IRS1: variants seen among roughly 807,000 people sequenced by gnomAD.
IRS1 encodes insulin receptor substrate 1.
A neutral mutation model predicts 65.6 loss-of-function variants in IRS1; 34 were observed. The observed-to-expected ratio is 0.52, with a 90% confidence interval of 0.39 to 0.69. IRS1 has a LOEUF of 0.69. Ranked by LOEUF, IRS1 falls within the 30% of genes least tolerant of loss-of-function variation. IRS1 has a pLI of 0.00. For synonymous variants in IRS1, 699 were observed against 683.5 expected (o/e 1.02, Z -0.35); for missense variants, 1,641 against 1,720.2 (o/e 0.95, Z 0.81).
chr2:226,796,726 G>A lies in IRS1; in HGVS notation c.2013C>T (p.Cys671=). ...GYMMMSPSGG[C]SPDIGGGPSS... Reference sequence around the variant, plus strand: ...TGGGGCCACCTCCAATGTCAGGAGAGCAGCCACCGCTGGGGGACATCATCA... The same window carrying A: ...TGGGGCCACCTCCAATGTCAGGAGAACAGCCACCGCTGGGGGACATCATCA... Residue 671 remains cysteine (C), a synonymous_variant, in exon 1 of 2, where the codon TGC becomes TGT. Transcript: ENST00000305123. The A allele has an allele frequency of 6.2e-7, 1 of 1,612,918 alleles. No individual in the cohort carries two copies. The highest frequency in any genetic ancestry group is 1.1e-5 in the South Asian group (1 of 90,964).
chr2:226,784,722 C>T (rs542354336), intron 1 of IRS1, among the ~76,000 whole-genome samples: 1 of 152,324 alleles, frequency 6.6e-6, no homozygotes, highest in Admixed American at 6.5e-5. Context: ...CATGCCCAGC[C>T]TCTAATTCAA....
At position 226,795,118 on chromosome 2, in the gene IRS1, AGGGGGT is replaced by A; in HGVS notation, c.3615_3620del (p.Pro1206_Pro1207del). 4 of 185,232 alleles carry A rather than the reference AGGGGGT, an allele frequency of 2.2e-5. No homozygotes were observed. The highest frequency in any genetic ancestry group is 2.7e-5 in the Non-Finnish European group (3 of 112,396). The allele number at this position is 185,232 out of a possible 1,614,324, so 11.5% of individuals were successfully genotyped here. A position where few individuals can be genotyped will look rare whatever the true frequency, so the allele number is the denominator to read the frequency against. The stretch of plus-strand genomic sequence containing the variant: ...TCTCACCGCTGCCCAGGGGTTGATG[AGGGGGT>A]GGGGGTGGGGGAGGCTGCGGTTCAG... On this transcript the variant is annotated inframe_deletion, in exon 1 of 2. Transcript: ENST00000305123.
At chr2:226,737,908 A>T (rs1047912589) in intron 1 of IRS1, among the ~76,000 whole-genome samples, 2 of 152,160 alleles carry the variant, frequency 1.3e-5, no homozygotes, top group African/African-American at 4.8e-5. Context: ...TGAAAAGGAA[A>T]AGGACGCTTC....
intron 1 of IRS1, among the ~76,000 whole-genome samples, chr2:226,758,173 T>C (rs1938843160): frequency 6.6e-6 from 1 of 152,210 alleles, no homozygotes; most frequent in Non-Finnish European, 1.5e-5. Context: ...TCTTCACATT[T>C]CAGGACTCAT....
intron 1 of IRS1, among the ~76,000 whole-genome samples, chr2:226,758,073 A>G (rs1938841458): frequency 6.6e-6 from 1 of 152,210 alleles, no homozygotes; most frequent in Non-Finnish European, 1.5e-5. Flanking sequence ...AGAAAATGAG[A>G]GAGGCAGAGA....
intron 1 of IRS1, among the ~76,000 whole-genome samples, chr2:226,756,496 C>T (rs1938804618): frequency 6.6e-6 from 1 of 152,170 alleles, no homozygotes; most frequent in African/African-American, 2.4e-5. Context: ...AACAAACTAA[C>T]ATATTTTCCC....
intron 1 of IRS1, among the ~76,000 whole-genome samples, chr2:226,749,320 G>A (rs1938625333): frequency 6.6e-6 from 1 of 152,242 alleles, no homozygotes; most frequent in South Asian, 2.1e-4. Context: ...TTTAGAGATA[G>A]TTTTCTTTCT....
rs144337318 is a variant in IRS1, at chr2:226,770,159, C to A, written c.*21+24830G>T. 2.6e-3 allele frequency among the ~76,000 whole-genome samples: 391 copies of A among 152,324 alleles called. 3 individuals carry two copies. The highest frequency in any genetic ancestry group is 0.017 in the Middle Eastern group (5 of 294). ...GCAGGGCTAATAATCAAACACTCCACATATGAAAGAGAAAACTTCATTTAA... is the reference window on the plus strand; with the variant it reads ...GCAGGGCTAATAATCAAACACTCCAAATATGAAAGAGAAAACTTCATTTAA... On this transcript the variant is annotated intron_variant, in intron 1 of 1. Coordinates refer to ENST00000305123, the MANE Select transcript of IRS1 (RefSeq NM_005544.3).
At chr2:226,751,553 C>G (rs531019578) in intron 1 of IRS1, among the ~76,000 whole-genome samples, 67 of 152,046 alleles carry the variant, frequency 4.4e-4, no homozygotes, top group Admixed American at 1.9e-3. Flanking sequence ...AAAGTGCTGG[C>G]ATTACAGGCG....
intron 1 of IRS1, among the ~76,000 whole-genome samples, chr2:226,737,156 T>C (rs929130073): frequency 1.4e-5 from 2 of 142,148 alleles, no homozygotes; most frequent in Admixed American, 7.7e-5. Flanking sequence ...TGTGATCTCA[T>C]TGTTCAATTC....
rs765846492 is a variant in IRS1, at chr2:226,795,402, C to A, written c.3337G>T (p.Val1113Leu). The A allele has an allele frequency of 1.2e-6, 2 of 1,613,462 alleles. No homozygotes were observed. Among genetic ancestry groups the A allele is most frequent in the Non-Finnish European group, 8.5e-7 (1 of 1,180,012 alleles). ...GCTCCAAAGGGCACTGTGTTGCCCACCCGGGTGGCACTGGGTGTTGAGGAG... is the reference window on the plus strand; with the variant it reads ...GCTCCAAAGGGCACTGTGTTGCCCAACCGGGTGGCACTGGGTGTTGAGGAG... ...TFSSTPSATRVGNTVPFGAGA... is the reference protein window; with the variant it reads ...TFSSTPSATRLGNTVPFGAGA... Residue 1113 changes from valine (V) to leucine (L), a missense_variant, in exon 1 of 2, where the codon GTG becomes TTG. By Grantham distance (32) the Val-to-Leu change is conservative (BLOSUM62 1). Transcript: ENST00000305123.
chr2:226,795,151 G>T lies in IRS1; in HGVS notation c.3588C>A (p.Thr1196=). The change falls in exon 1 of 2, where the codon ACC becomes ACA. Residue 1196 remains threonine, a synonymous_variant. Transcript: ENST00000305123. ...KDFKQCPQEC[T]PEPQPPPPPP... The stretch of plus-strand genomic sequence containing the variant: ...GGGGTGGGGGAGGCTGCGGTTCAGG[G>T]GTGCACTCCTGAGGGCACTGTTTGA... The T allele has an allele frequency of 6.2e-7, 1 of 1,613,424 alleles. No individual in the cohort carries two copies. The highest frequency in any genetic ancestry group is 1.1e-5 in the South Asian group (1 of 91,048).
At chr2:226,788,032 G>A (rs747318551) in intron 1 of IRS1, among the ~76,000 whole-genome samples, 21 of 142,814 alleles carry the variant, frequency 1.5e-4, no homozygotes, top group African/African-American at 5.2e-4. Flanking sequence ...AAAAAAAAAC[G>A]TCTCTTTGAT....
chr2:226,758,177 G>T (rs890142105), intron 1 of IRS1, among the ~76,000 whole-genome samples: 1 of 152,150 alleles, frequency 6.6e-6, no homozygotes, highest in African/African-American at 2.4e-5. Context: ...CACATTTCAG[G>T]ACTCATGTAT....
chr2:226,737,737 G>A (rs1938356306), intron 1 of IRS1, among the ~76,000 whole-genome samples: 1 of 152,162 alleles, frequency 6.6e-6, no homozygotes, highest in Admixed American at 6.6e-5. Flanking sequence ...GGGGTGTAAG[G>A]GGAGCATCTC....
At chr2:226,786,030 G>A (rs937970230) in intron 1 of IRS1, among the ~76,000 whole-genome samples, 2 of 150,276 alleles carry the variant, frequency 1.3e-5, no homozygotes, top group South Asian at 4.4e-4. Flanking sequence ...TGCTGAGAAT[G>A]ATGATTTCCA....
chr2:226,750,247 C>G (rs1938648615), intron 1 of IRS1, among the ~76,000 whole-genome samples: 1 of 115,250 alleles, frequency 8.7e-6, no homozygotes, highest in African/African-American at 4.0e-5. Flanking sequence ...GAAACTCTGT[C>G]TCAAAAAAAA....
chr2:226,771,320 C>T (rs760662408), intron 1 of IRS1, among the ~76,000 whole-genome samples: 23 of 152,070 alleles, frequency 1.5e-4, no homozygotes, highest in Non-Finnish European at 2.9e-4. Context: ...AGCCGGCTGT[C>T]CGGTGGCTCA....
Position 226,797,410 on chromosome 2 carries a change from G to T in IRS1, c.1329C>A (p.Arg443=), listed in dbSNP as rs1197922965. Residue 443 remains arginine (R), a synonymous_variant, in exon 1 of 2, where the codon CGC becomes CGA. Transcript: ENST00000305123. This position sits in a 1 kb window ranked among gnomAD's most constrained non-coding sequence, Gnocchi z 8.1. ...SSPCDFRSSF[R]SVTPDSLGHT... ...GGCCCAGGGAATCCGGAGTGACACT[G>T]CGGAAGGAACTCCGGAAATCGCAGG... The T allele has an allele frequency of 1.9e-6, 3 of 1,612,608 alleles. No individual in the cohort carries two copies. The highest frequency in any genetic ancestry group is 1.7e-5 in the Admixed American group (1 of 59,950).
Sources: gnomAD v4.1 joint callset for allele counts (sites outside exome capture counted in the v4.1 genomes callset) on GRCh38, gnomAD v4.1.1 for gene constraint, Gnocchi (gnomAD v3.1) non-coding constraint, MANE v1.5 for transcripts, NCBI Gene and HGNC (gene_info 2026-07-23, HGNC 2026-07-21) for gene names.